MAPT: variants seen among roughly 807,000 people sequenced by gnomAD.
MAPT encodes microtubule-associated protein tau.
A neutral mutation model predicts 67.9 loss-of-function variants in MAPT; 34 were observed. The observed-to-expected ratio is 0.50, with a 90% CI of 0.38 to 0.67. The LOEUF is 0.67. Among genes scored for constraint, MAPT ranks in the 30% least tolerant of loss-of-function variants. MAPT has a pLI of 0.00. For missense variants in MAPT, 881 were observed against 1,115.2 expected (o/e 0.79, Z 2.99); for synonymous variants, 456 against 464.5 (o/e 0.98, Z 0.23).
intron 5 of MAPT, among the ~76,000 whole-genome samples, chr17:45,986,173 G>T (rs1157651641): frequency 1.3e-5 from 2 of 152,220 alleles, no homozygotes; most frequent in Admixed American, 6.5e-5. Context: ...GAAGCAGTGA[G>T]AATTCGTGCC....
At chr17:45,900,211 C>T (rs563747311) in intron 1 of MAPT, among the ~76,000 whole-genome samples, 10 of 152,302 alleles carry the variant, frequency 6.6e-5, no homozygotes, top group African/African-American at 2.4e-4. Flanking sequence ...TTCCATTATA[C>T]TGTGGTACCT....
At chr17:45,963,901 A>G (rs867769360) in intron 2 of MAPT, among the ~76,000 whole-genome samples, 1 of 152,008 alleles carries the variant, frequency 6.6e-6, no homozygotes, top group Admixed American at 6.6e-5. Flanking sequence ...GATTATGAGG[A>G]ATTTGGGAAT....
chr17:45,990,614 C>A, intron 7 of MAPT: 1 of 338,972 alleles, frequency 3.0e-6, no homozygotes. Context: ...GTTTAAAAAA[C>A]AAACCCAAAA....
intron 12 of MAPT, among the ~76,000 whole-genome samples, chr17:46,022,583 C>T (rs1025298771): frequency 5.3e-5 from 8 of 152,060 alleles, no homozygotes; most frequent in African/African-American, 1.9e-4. Flanking sequence ...CATGTGCACA[C>T]ATATTTTTGG....
intron 12 of MAPT, among the ~76,000 whole-genome samples, chr17:46,022,676 C>T (rs1383244802): frequency 6.6e-6 from 1 of 152,176 alleles, no homozygotes; most frequent in Non-Finnish European, 1.5e-5. Context: ...TCAGGAATTG[C>T]TGTGCACTGC....
intron 1 of MAPT, among the ~76,000 whole-genome samples, chr17:45,926,932 T>C (rs1042317902): frequency 8.9e-6 from 1 of 112,018 alleles, no homozygotes; most frequent in African/African-American, 2.7e-5. Flanking sequence ...TATACACATA[T>C]ATACACATAT....
intron 1 of MAPT, among the ~76,000 whole-genome samples, chr17:45,910,330 G>T (rs2064676330): frequency 6.6e-6 from 1 of 152,204 alleles, no homozygotes. Flanking sequence ...AGGACGTTGA[G>T]ATTCAGGGAG....
rs541627239 is a variant in MAPT, at chr17:45,902,105, C to T, written c.-18+7419C>T. Among the ~76,000 whole-genome samples, 7 of 152,054 alleles carry T rather than the reference C, an allele frequency of 4.6e-5. No homozygotes were observed. In the East Asian group the frequency reaches 7.8e-4, roughly 17 times the overall value. On this transcript the variant is annotated intron_variant, in intron 1 of 12. Transcript: ENST00000262410. ...TTAATCTTTTTTTGAGACGGAGTCT[C>T]GCTCTATCGCCCAGGCTTAAGTGCA...
chr17:45,927,116 T>C, intron 1 of MAPT, among the ~76,000 whole-genome samples: 1 of 152,006 alleles, frequency 6.6e-6, no homozygotes, highest in East Asian at 1.9e-4. Context: ...ATGGTATTTA[T>C]TGTATTATTT....
intron 9 of MAPT, among the ~76,000 whole-genome samples, chr17:46,001,489 A>G (rs888071677): frequency 1.9e-4 from 29 of 152,310 alleles, no homozygotes; most frequent in African/African-American, 6.3e-4. Context: ...GTAAAACAAC[A>G]TATAACAGCA....
chr17:45,974,235 C>T, intron 3 of MAPT: 1 of 679,474 alleles, frequency 1.5e-6, no homozygotes. Flanking sequence ...GTAGCAGGGG[C>T]TCCGGGCCCT....
At chr17:46,015,193 C>T (rs1598397280) in intron 11 of MAPT, among the ~76,000 whole-genome samples, 1 of 151,992 alleles carries the variant, frequency 6.6e-6, no homozygotes, top group South Asian at 2.1e-4. Flanking sequence ...AACCCCATCT[C>T]TACTAAAAAT....
rs2064057336 is a variant in MAPT at position 45,904,226 on chromosome 17, ATATTATATATTAT to A, written c.-18+9541_-18+9553del. Among the ~76,000 whole-genome samples the A allele has an allele frequency of 6.2e-5, 3 of 48,314 alleles. 1 individual carries two copies. The highest frequency in any genetic ancestry group is 2.1e-4 in the African/African-American group (3 of 13,998). 31.7% of individuals were successfully genotyped at this position (48,314 alleles called of 152,430 possible). A position where few individuals can be genotyped will look rare whatever the true frequency, so the allele number is the denominator to read the frequency against. ...ATCTAATATATTATATATATTATAT[ATATTATATATTAT>A]AATATATATTATATATTATATATTA... On this transcript the variant is annotated intron_variant, in intron 1 of 12. Coordinates refer to ENST00000262410, the MANE Select transcript of MAPT (RefSeq NM_001377265.1).
At chr17:45,899,984 G>A (rs2063511994) in intron 1 of MAPT, among the ~76,000 whole-genome samples, 1 of 152,142 alleles carries the variant, frequency 6.6e-6, no homozygotes. Flanking sequence ...TGTGGCCAAG[G>A]TCAAGTCTCT....
chr17:45,983,842 A>G lies in MAPT; in HGVS notation c.1263A>G (p.Thr421=). The G allele has an allele frequency of 6.2e-7, 1 of 1,610,572 alleles. No homozygotes were observed. Among genetic ancestry groups the G allele is most frequent in the Non-Finnish European group, 8.5e-7 (1 of 1,179,228 alleles). ...EARGPSLGED[T]KEADLPEPSE... is the part of the protein sequence containing the mutation. ...GGGGCCCCTCTTTGGGAGAGGACAC[A>G]AAAGAGGCTGACCTTCCAGAGCCCT... The change falls in exon 5 of 13, where the codon ACA becomes ACG. Residue 421 remains threonine (T), a synonymous_variant. Transcript: ENST00000262410.
intron 1 of MAPT, among the ~76,000 whole-genome samples, chr17:45,904,346 ATT>A (rs556624698): frequency 0.018 from 1,448 of 78,816 alleles, 66 homozygotes; most frequent in African/African-American, 0.065. Context: ...TTATATATAT[ATT>A]ATATATATTA....
intron 2 of MAPT, among the ~76,000 whole-genome samples, chr17:45,970,927 A>T (rs1462291243): frequency 6.6e-6 from 1 of 152,140 alleles, no homozygotes; most frequent in African/African-American, 2.4e-5. Flanking sequence ...TCTTCTGAGC[A>T]TTTTGTCCCT....
chr17:45,974,238 C>T (rs887027405), intron 3 of MAPT: 10 of 684,418 alleles, frequency 1.5e-5, no homozygotes, highest in East Asian at 1.1e-4. Context: ...GCAGGGGCTC[C>T]GGGCCCTACT....
At position 45,971,118 on chromosome 17, in the gene MAPT, C is replaced by T. The variant is rs961934219; in HGVS notation, c.134-741C>T. Among the ~76,000 whole-genome samples the T allele has an allele frequency of 1.3e-5, 2 of 149,910 alleles. No individual in the cohort carries two copies. The highest frequency in any genetic ancestry group is 4.8e-5 in the African/African-American group (2 of 41,336). On this transcript the variant is annotated intron_variant, in intron 2 of 12. Coordinates refer to ENST00000262410, the MANE Select transcript of MAPT (RefSeq NM_001377265.1). The surrounding 1 kb of genome is among the most constrained non-coding windows in gnomAD (Gnocchi z 4.3). The stretch of plus-strand genomic sequence containing the variant: ...GTGCCACAGGGAAGGGACAATTCAG[C>T]CCTTCTAGGAGGAGGAGGAGGTAGT...
Sources: allele counts gnomAD v4.1 joint callset (sites outside exome capture counted in the v4.1 genomes callset), GRCh38; gene constraint gnomAD v4.1.1; non-coding constraint Gnocchi (gnomAD v3.1); transcripts MANE v1.5; gene names NCBI Gene and HGNC (gene_info 2026-07-23, HGNC 2026-07-21).